Variants in GLI2 observed in about 807,000 individuals in gnomAD.
The protein encoded by GLI2 is transcription activator GLI2.
GLI2 carries 22 observed loss-of-function variants against 78.9 expected under a neutral mutation model. The ratio of observed to expected loss-of-function variants is 0.28; its 90% CI spans 0.20 to 0.40. The LOEUF (loss-of-function observed/expected upper bound fraction) is 0.40, where lower values mean the gene tolerates loss of function less well. GLI2 is among the 10% of genes least tolerant of loss of function. The probability of loss-of-function intolerance (pLI) is 1.00; values close to 1 mark genes in which losing one functional copy is unlikely to be tolerated. For missense variants in GLI2, 2,097 were observed against 2,213.2 expected (o/e 0.95, Z 1.05); for synonymous variants, 974 against 963.7 (o/e 1.01, Z -0.20).
At chr2:120,887,848 C>T (rs536416624) in intron 2 of GLI2, among the ~76,000 whole-genome samples, 72 of 152,220 alleles carry the variant, frequency 4.7e-4, no homozygotes, top group South Asian at 3.1e-3. Flanking sequence ...TGAGAGGGCC[C>T]GGGGATCCTA....
At chr2:120,870,853 C>G (rs750282168) in intron 2 of GLI2, among the ~76,000 whole-genome samples, 4 of 152,178 alleles carry the variant, frequency 2.6e-5, no homozygotes, top group Non-Finnish European at 5.9e-5. Flanking sequence ...ATGCAACCTG[C>G]ATGCCCACCT....
intron 3 of GLI2, among the ~76,000 whole-genome samples, chr2:120,934,628 G>A (rs139698603): frequency 6.6e-6 from 1 of 152,314 alleles, no homozygotes; most frequent in Non-Finnish European, 1.5e-5. Context: ...CAGCTGGTGG[G>A]CATGGGGGCC....
At chr2:120,742,498 G>C (rs539533911) in intron 1 of GLI2, among the ~76,000 whole-genome samples, 1 of 152,230 alleles carries the variant, frequency 6.6e-6, no homozygotes, top group Non-Finnish European at 1.5e-5. Flanking sequence ...GGCGATGAAT[G>C]GTAATGATTT....
At position 120,737,867 on chromosome 2, in the gene GLI2, C is replaced by G. The variant is rs569421359; in HGVS notation, c.-31+1582C>G. On this transcript the variant is annotated intron_variant, in intron 1 of 13. Transcript: ENST00000361492. The surrounding 1 kb of genome is among the most constrained non-coding windows in gnomAD (Gnocchi z 4.3). Reference sequence around the variant, plus strand: ...AAGTAAAGTAAATAAACTGTGAAATCCAAAATATACAGCGGGGAAAGCGGA... The same window carrying G: ...AAGTAAAGTAAATAAACTGTGAAATGCAAAATATACAGCGGGGAAAGCGGA... Among the ~76,000 whole-genome samples the G allele has an allele frequency of 2.6e-5, 4 of 152,332 alleles. No homozygotes were observed. The highest frequency in any genetic ancestry group is 9.6e-5 in the African/African-American group (4 of 41,572).
At chr2:120,753,377 T>C (rs897312985) in intron 1 of GLI2, among the ~76,000 whole-genome samples, 3 of 152,288 alleles carry the variant, frequency 2.0e-5, no homozygotes, top group Non-Finnish European at 4.4e-5. Flanking sequence ...ATTACAGGCG[T>C]GAGCCACTGT....
intron 2 of GLI2, among the ~76,000 whole-genome samples, chr2:120,899,412 C>T (rs898958910): frequency 5.2e-5 from 7 of 133,746 alleles, no homozygotes; most frequent in Admixed American, 7.1e-5. Context: ...CACATACACA[C>T]ACACACACAC....
intron 2 of GLI2, among the ~76,000 whole-genome samples, chr2:120,843,071 C>T (rs17005297): frequency 0.013 from 2,034 of 152,278 alleles, 80 homozygotes; most frequent in East Asian, 0.084. Flanking sequence ...TTGTTTTTGA[C>T]GTAACCCAAG....
In GLI2 at chr2:120,806,840, G is replaced by T. The variant is rs181625559; in HGVS notation, c.148+9372G>T. On this transcript the variant is annotated intron_variant, in intron 2 of 13. Coordinates refer to ENST00000361492, the MANE Select transcript of GLI2 (RefSeq NM_001374353.1). ...GAAGCTCTGTGTGGACACCAGAGGG[G>T]GATAGGAAGTGGGGGAAGATGCATT... 2.7e-4 allele frequency among the ~76,000 whole-genome samples: 41 copies of T among 152,324 alleles called. No homozygotes were observed. In the East Asian group the frequency reaches 6.9e-3, roughly 26 times the overall value.
At chr2:120,979,272 A>AT (rs202243832) in intron 10 of GLI2, among the ~76,000 whole-genome samples, 22 of 149,652 alleles carry the variant, frequency 1.5e-4, no homozygotes, top group African/African-American at 3.7e-4. Flanking sequence ...CAGCTGAGTT[A>AT]TTTTTTTTTT....
At chr2:120,887,268 T>A (rs1677457320) in intron 2 of GLI2, among the ~76,000 whole-genome samples, 2 of 152,164 alleles carry the variant, frequency 1.3e-5, no homozygotes, top group African/African-American at 4.8e-5. Context: ...GTGCTTTTGA[T>A]CTCTTCCTGC....
At chr2:120,957,934 C>T (rs1198691404) in intron 5 of GLI2, among the ~76,000 whole-genome samples, 1 of 152,224 alleles carries the variant, frequency 6.6e-6, no homozygotes, top group Non-Finnish European at 1.5e-5. Flanking sequence ...CACCATCTGC[C>T]CTTCCCTGGG....
chr2:120,908,150 T>C (rs747554812), intron 2 of GLI2, among the ~76,000 whole-genome samples: 7 of 152,284 alleles, frequency 4.6e-5, no homozygotes, highest in South Asian at 2.1e-4. Flanking sequence ...GGGACTCTTA[T>C]AGCAGAGGAG....
rs972252760 is a variant in GLI2 at position 120,800,502 on chromosome 2, T to C, written c.148+3034T>C. 6.7e-6 allele frequency among the ~76,000 whole-genome samples: 1 copy of C among 150,198 alleles called. No individual in the cohort carries two copies. The highest frequency in any genetic ancestry group is 2.4e-5 in the African/African-American group (1 of 40,988). On this transcript the variant is annotated intron_variant, in intron 2 of 13. Coordinates refer to ENST00000361492, the MANE Select transcript of GLI2 (RefSeq NM_001374353.1). The surrounding 1 kb of genome is among the most constrained non-coding windows in gnomAD (Gnocchi z 4.1). ...TTATTATTATTATTATTTTATTTTT[T>C]ATTTTTATTTATTTATTTTTTTGAG...
rs748836221 is a variant in GLI2 at position 120,978,669 on chromosome 2, C to T, written c.1467+86C>T. Reference sequence around the variant, plus strand: ...GGGGATCATGTTTGGAGGTGGCTGGCCACAGGCACACCTGGGTGGGGCAGA... The same window carrying T: ...GGGGATCATGTTTGGAGGTGGCTGGTCACAGGCACACCTGGGTGGGGCAGA... On this transcript the variant is annotated intron_variant, in intron 10 of 13. Transcript: ENST00000361492. 7.3e-4 allele frequency: 1,050 copies of T among 1,435,440 alleles called. 2 individuals are homozygous for T. Among genetic ancestry groups the T allele is most frequent in the Middle Eastern group, 2.6e-3 (11 of 4,246 alleles). The allele number at this position is 1,435,440 out of a possible 1,614,324, so 88.9% of individuals were successfully genotyped here.
At chr2:120,797,895 A>G (rs1684481403) in intron 2 of GLI2, among the ~76,000 whole-genome samples, 1 of 152,164 alleles carries the variant, frequency 6.6e-6, no homozygotes. Flanking sequence ...CTCTAATTAG[A>G]GGGTCAGGTT....
rs1224809942 is a variant in GLI2 at position 120,886,196 on chromosome 2, GTGTGTGTGTGTGTGCGTGTA to G, written c.149-41163_149-41144del. On this transcript the variant is annotated intron_variant, in intron 2 of 13. Transcript: ENST00000361492. ...TGTGTGTGTGTGTGTGTGTGTGTGT[GTGTGTGTGTGTGTGCGTGTA>G]TATTTTGGTTTTGGGTTTTTGTTTT... Among the ~76,000 whole-genome samples, 281 of 39,024 alleles carry G rather than the reference GTGTGTGTGTGTGTGCGTGTA, an allele frequency of 7.2e-3. 6 individuals carry two copies. Among genetic ancestry groups the G allele is most frequent in the African/African-American group, 0.05 (262 of 5,230 alleles). The allele number at this position is 39,024 out of a possible 152,430, so 25.6% of individuals were successfully genotyped here. A position where few individuals can be genotyped will look rare whatever the true frequency, so the allele number is the denominator to read the frequency against.
chr2:120,793,674 G>A (rs906907478), intron 1 of GLI2, among the ~76,000 whole-genome samples: 1 of 152,216 alleles, frequency 6.6e-6, no homozygotes, highest in South Asian at 2.1e-4. Flanking sequence ...GAATCCCCCC[G>A]CTGCATCTGC....
At chr2:120,891,068 C>A (rs1393077142) in intron 2 of GLI2, among the ~76,000 whole-genome samples, 1 of 152,210 alleles carries the variant, frequency 6.6e-6, no homozygotes, top group Non-Finnish European at 1.5e-5. Flanking sequence ...GGGCACCAGA[C>A]GTGGAGCCCA....
chr2:120,760,055 C>A (rs1683167408), intron 1 of GLI2, among the ~76,000 whole-genome samples: 1 of 152,230 alleles, frequency 6.6e-6, no homozygotes, highest in African/African-American at 2.4e-5. Flanking sequence ...CTGGGGCTGC[C>A]CCTTGTGAGA....
Sources: gnomAD v4.1 joint callset for allele counts (sites outside exome capture counted in the v4.1 genomes callset) on GRCh38, gnomAD v4.1.1 for gene constraint, Gnocchi (gnomAD v3.1) non-coding constraint, MANE v1.5 for transcripts, NCBI Gene and HGNC (gene_info 2026-07-23, HGNC 2026-07-21) for gene names.